The following QTGAL variants were observed in gnomAD, a reference collection of about 807,000 sequenced individuals.
The protein encoded by QTGAL is queuosine-tRNA galactosyltransferase.
chr17:82,942,340 C>A, the QTGAL span: 1 of 1,513,268 alleles, frequency 6.6e-7, no homozygotes, highest in Non-Finnish European at 9.1e-7. Flanking sequence ...TGGTTTCCTG[C>A]AGGAACCGTG....
At chr17:82,971,558 A>C in the QTGAL span, among the ~76,000 whole-genome samples, 2 of 147,394 alleles carry the variant, frequency 1.4e-5, no homozygotes, top group Non-Finnish European at 1.5e-5. Flanking sequence ...CGTGGGGGCT[A>C]CTGTGCCAAC....
At chr17:83,006,237 A>C in the QTGAL span, 21 of 985,502 alleles carry the variant, frequency 2.1e-5, no homozygotes, top group South Asian at 9.4e-4. The surrounding 1 kb of genome is among the most constrained non-coding windows in gnomAD (Gnocchi z 5.8). Flanking sequence ...GAAGCGATGA[A>C]GTCACACCGA....
At chr17:83,034,980 T>C in the QTGAL span, 1 of 1,373,488 alleles carries the variant, frequency 7.3e-7, no homozygotes, top group South Asian at 1.2e-5. Flanking sequence ...GATCATTTAA[T>C]TATTCAACCA....
At chr17:82,993,674 G>A in the QTGAL span, among the ~76,000 whole-genome samples, 96 of 151,982 alleles carry the variant, frequency 6.3e-4, no homozygotes, top group African/African-American at 2.2e-3. Context: ...CATTGGCTGC[G>A]GAGTACACAT....
chr17:82,946,928 C>T, the QTGAL span: 4 of 1,569,186 alleles, frequency 2.5e-6, no homozygotes, highest in Non-Finnish European at 2.6e-6. Context: ...GAAGTCCTGG[C>T]CCTCCTGCAA....
At chr17:82,957,207 C>G in the QTGAL span, 1 of 1,614,222 alleles carries the variant, frequency 6.2e-7, no homozygotes, top group South Asian at 1.1e-5. Flanking sequence ...CAATAGAAGC[C>G]TTTCCTGATC....
chr17:82,947,789 A>G, the QTGAL span: 1 of 152,522 alleles, frequency 6.6e-6, no homozygotes, highest in East Asian at 1.9e-4. Context: ...CACTGCTGTC[A>G]CTCAAATGAT....
At chr17:82,965,682 G>GAGAACCACGCTCGCGAGC in the QTGAL span, 7 of 1,612,042 alleles carry the variant, frequency 4.3e-6, no homozygotes, top group Middle Eastern at 5.0e-4. Context: ...GCCCACGTGG[G>GAGAACCACGCTCGCGAGC]AGAACCACGC....
the QTGAL span, among the ~76,000 whole-genome samples, chr17:83,046,242 G>A: frequency 2.0e-5 from 3 of 152,126 alleles, no homozygotes; most frequent in Admixed American, 2.0e-4. Context: ...CGATTCTCCT[G>A]CCTCAGCCTC....
chr17:82,991,597 C>T, the QTGAL span, among the ~76,000 whole-genome samples: 1 of 152,186 alleles, frequency 6.6e-6, no homozygotes, highest in African/African-American at 2.4e-5. Context: ...CAGGTACGAA[C>T]AAACATAGAC....
At chr17:82,961,185 C>G in the QTGAL span, 4 of 1,605,392 alleles carry the variant, frequency 2.5e-6, no homozygotes, top group African/African-American at 1.3e-5. Flanking sequence ...GGACGCCCTG[C>G]AGGGCGGGAG....
At chr17:82,956,658 C>G in the QTGAL span, 2 of 1,517,952 alleles carry the variant, frequency 1.3e-6, no homozygotes, top group Non-Finnish European at 1.8e-6. The surrounding 1 kb of genome is among the most constrained non-coding windows in gnomAD (Gnocchi z 5.7). Flanking sequence ...AGCCCGGGAT[C>G]CCCAAGCCCT....
At chr17:82,957,480 G>T in the QTGAL span, 1 of 1,604,786 alleles carries the variant, frequency 6.2e-7, no homozygotes, top group Non-Finnish European at 8.5e-7. Flanking sequence ...GACGCGGTGG[G>T]TCCAGATGGT....
At chr17:83,029,847 C>T in the QTGAL span, among the ~76,000 whole-genome samples, 4 of 152,212 alleles carry the variant, frequency 2.6e-5, no homozygotes, top group Non-Finnish European at 4.4e-5. Context: ...TTAAAACCCC[C>T]GGCAAGGCTC....
chr17:82,998,819 G>C, the QTGAL span, among the ~76,000 whole-genome samples: 1 of 152,146 alleles, frequency 6.6e-6, no homozygotes, highest in South Asian at 2.1e-4. Context: ...AATGGGCAAA[G>C]GATGTGAACA....
chr17:83,002,111 A>C, the QTGAL span, among the ~76,000 whole-genome samples: 2 of 151,838 alleles, frequency 1.3e-5, no homozygotes, highest in African/African-American at 4.8e-5. Flanking sequence ...CTATTTTAAA[A>C]TTGTTTTAAG....
the QTGAL span, among the ~76,000 whole-genome samples, chr17:82,964,877 G>GAGGAC: frequency 1.5e-4 from 16 of 106,810 alleles, 1 homozygote; most frequent in East Asian, 3.1e-4. Context: ...ACCCCCACGG[G>GAGGAC]GGGGACGGTG....
the QTGAL span, among the ~76,000 whole-genome samples, chr17:83,044,416 G>A: frequency 6.6e-6 from 1 of 152,140 alleles, no homozygotes; most frequent in African/African-American, 2.4e-5. Context: ...TGTCAAAAAG[G>A]CATTTGACAA....
At chr17:83,050,173 C>T in the QTGAL span, among the ~76,000 whole-genome samples, 11 of 152,026 alleles carry the variant, frequency 7.2e-5, no homozygotes, top group African/African-American at 2.2e-4. Context: ...GAGTTCAAGA[C>T]CAGCCTGACC....
Sources: gnomAD v4.1 joint callset for allele counts (sites outside exome capture counted in the v4.1 genomes callset) on GRCh38, gnomAD v4.1.1 for gene constraint, Gnocchi (gnomAD v3.1) non-coding constraint, MANE v1.5 for transcripts, NCBI Gene and HGNC (gene_info 2026-07-23, HGNC 2026-07-21) for gene names.